SLIT3: variants seen among roughly 807,000 people sequenced by gnomAD.
The protein encoded by SLIT3 is slit homolog 3 protein.
SLIT3 carries 68 observed loss-of-function variants against 184.0 expected under a neutral mutation model. The ratio of observed to expected loss-of-function variants is 0.37; its 90% CI spans 0.30 to 0.45. The LOEUF (loss-of-function observed/expected upper bound fraction) is 0.45, where lower values mean the gene tolerates loss of function less well. Among genes scored for constraint, SLIT3 ranks in the 20% least tolerant of loss-of-function variants. The pLI is 1.00. For missense variants in SLIT3, 1,707 were observed against 2,026.0 expected (o/e 0.84, Z 3.02); for synonymous variants, 831 against 828.6 (o/e 1.00, Z -0.05).
chr5:169,169,555 G>A (rs1762753333), intron 4 of SLIT3, among the ~76,000 whole-genome samples: 2 of 152,324 alleles, frequency 1.3e-5, no homozygotes, highest in East Asian at 3.9e-4. Flanking sequence ...GTCAAACTGG[G>A]GAGAATGGTA....
intron 4 of SLIT3, among the ~76,000 whole-genome samples, chr5:169,091,572 T>TA (rs1325766429): frequency 3.3e-5 from 5 of 152,216 alleles, no homozygotes; most frequent in Non-Finnish European, 7.3e-5. Context: ...AACGAAAGGA[T>TA]AAGCTACCTT....
At chr5:169,154,038 T>C (rs1762214631) in intron 4 of SLIT3, among the ~76,000 whole-genome samples, 1 of 150,290 alleles carries the variant, frequency 6.7e-6, no homozygotes, top group South Asian at 2.1e-4. Context: ...AGTGGTGTCA[T>C]CTCAGCTCAC....
intron 4 of SLIT3, among the ~76,000 whole-genome samples, chr5:169,191,274 C>T (rs1763541624): frequency 6.6e-6 from 1 of 152,192 alleles, no homozygotes; most frequent in South Asian, 2.1e-4. Flanking sequence ...TGATGGAGTG[C>T]CTATGTGTGC....
intron 4 of SLIT3, among the ~76,000 whole-genome samples, chr5:169,150,327 C>T (rs1762073335): frequency 6.6e-6 from 1 of 152,058 alleles, no homozygotes; most frequent in African/African-American, 2.4e-5. Context: ...TGGTCTAGGC[C>T]AGGACCACAA....
intron 4 of SLIT3, among the ~76,000 whole-genome samples, chr5:168,956,610 G>A (rs1003684846): frequency 1.1e-4 from 16 of 151,750 alleles, no homozygotes; most frequent in Non-Finnish European, 1.8e-4. Flanking sequence ...CCTGGCCAAC[G>A]TGGTGAAACC....
intron 1 of SLIT3, among the ~76,000 whole-genome samples, chr5:169,271,823 C>T (rs1014740922): frequency 1.3e-5 from 2 of 152,210 alleles, no homozygotes; most frequent in Non-Finnish European, 2.9e-5. Context: ...ATACAGGCCT[C>T]TTTATCTACA....
chr5:169,075,654 GA>G (rs1489830777), intron 4 of SLIT3, among the ~76,000 whole-genome samples: 4 of 152,220 alleles, frequency 2.6e-5, no homozygotes, highest in Non-Finnish European at 5.9e-5. Flanking sequence ...AAGCAAAAGA[GA>G]GACTTGGCTT....
intron 1 of SLIT3, among the ~76,000 whole-genome samples, chr5:169,256,712 C>T (rs1765972631): frequency 6.6e-6 from 1 of 152,172 alleles, no homozygotes; most frequent in Non-Finnish European, 1.5e-5. Context: ...CTTTTGGTGG[C>T]AAGGCCTTTC....
intron 1 of SLIT3, among the ~76,000 whole-genome samples, chr5:169,251,987 A>T (rs988776974): frequency 3.9e-5 from 6 of 152,138 alleles, no homozygotes; most frequent in Non-Finnish European, 7.4e-5. Flanking sequence ...GAATGTCCAG[A>T]CTCACTCATG....
chr5:169,193,499 G>A lies in SLIT3; in HGVS notation c.393C>T (p.Ser131=). The change falls in exon 4 of 36, where the codon AGC becomes AGT. Residue 131 remains serine (S), a synonymous_variant. Transcript: ENST00000519560. The stretch of plus-strand genomic sequence containing the variant: ...CTCACAGTCTGGTGAGCTTCGGCGT[G>A]CTCTGGAAAAGCAATTCTGGAAGGA... ...LQVLPELLFQ[S]TPKLTRLDLS... is the part of the protein sequence containing the mutation. 6.2e-7 allele frequency: 1 copy of A among 1,614,084 alleles called. No homozygotes were observed. Among genetic ancestry groups the A allele is most frequent in the South Asian group, 1.1e-5 (1 of 91,072 alleles).
intron 29 of SLIT3, among the ~76,000 whole-genome samples, chr5:168,691,366 G>A (rs1248872027): frequency 6.6e-6 from 1 of 152,180 alleles, no homozygotes; most frequent in African/African-American, 2.4e-5. Flanking sequence ...AGATCTTGGG[G>A]TTCCCTGAAG....
intron 4 of SLIT3, among the ~76,000 whole-genome samples, chr5:168,905,583 A>C (rs2113049619): frequency 6.6e-6 from 1 of 152,334 alleles, no homozygotes; most frequent in Admixed American, 6.5e-5. Flanking sequence ...CAGTGTGCTC[A>C]TCTCAACTTC....
chr5:169,198,979 T>C lies in SLIT3; in HGVS notation c.342-5429A>G, dbSNP rs528144299. On this transcript the variant is annotated intron_variant, in intron 3 of 35. Transcript: ENST00000519560. ...ACACACACACACACACACACACATA[T>C]GTGTGTATATTTATATATATATATA... Among the ~76,000 whole-genome samples, 160 of 114,076 alleles carry C rather than the reference T, an allele frequency of 1.4e-3. No homozygotes were observed. The East Asian group carries it at 0.018, about 13-fold the overall frequency. 74.8% of individuals were successfully genotyped at this position (114,076 alleles called of 152,430 possible). A position where few individuals can be genotyped will look rare whatever the true frequency, so the allele number is the denominator to read the frequency against.
chr5:169,134,466 C>T (rs1315225287), intron 4 of SLIT3, among the ~76,000 whole-genome samples: 1 of 152,176 alleles, frequency 6.6e-6, no homozygotes, highest in African/African-American at 2.4e-5. Flanking sequence ...TCCCTTTCTC[C>T]CACTCCCCCA....
chr5:168,881,142 C>T (rs1471037422), intron 5 of SLIT3, among the ~76,000 whole-genome samples: 1 of 152,162 alleles, frequency 6.6e-6, no homozygotes, highest in Non-Finnish European at 1.5e-5. Context: ...TGAGTATAAA[C>T]AAAGAGAAGA....
rs538871209 is a variant in SLIT3, at chr5:168,823,578, G to A, written c.558-247C>T. On this transcript the variant is annotated intron_variant, in intron 6 of 35. Transcript: ENST00000519560. The stretch of plus-strand genomic sequence containing the variant: ...CTCTCAGGACTTGCCTACCCACCTT[G>A]AGTAAGAGTATCGCTTCCTGAAACC... 2.9e-4 allele frequency among the ~76,000 whole-genome samples: 44 copies of A among 152,234 alleles called. 1 individual carries two copies. Among genetic ancestry groups the A allele is most frequent in the South Asian group, 2.5e-3 (12 of 4,820 alleles).
At chr5:169,093,496 T>C (rs1232836319) in intron 4 of SLIT3, among the ~76,000 whole-genome samples, 1 of 152,130 alleles carries the variant, frequency 6.6e-6, no homozygotes, top group Non-Finnish European at 1.5e-5. Flanking sequence ...AGACAGAAGC[T>C]GATTGGCCCA....
At chr5:168,928,357 G>A (rs994167550) in intron 4 of SLIT3, among the ~76,000 whole-genome samples, 4 of 152,146 alleles carry the variant, frequency 2.6e-5, no homozygotes, top group Admixed American at 1.3e-4. Context: ...ATTTTAGAAC[G>A]TTCTTCTGTA....
chr5:169,062,002 G>C (rs548178557), intron 4 of SLIT3, among the ~76,000 whole-genome samples: 3 of 152,140 alleles, frequency 2.0e-5, no homozygotes, highest in Non-Finnish European at 4.4e-5. Flanking sequence ...GGCTAACATG[G>C]TGAAACCCCG....
Sources: gnomAD v4.1 joint callset for allele counts (sites outside exome capture counted in the v4.1 genomes callset) on GRCh38, gnomAD v4.1.1 for gene constraint, MANE v1.5 for transcripts, NCBI Gene and HGNC (gene_info 2026-07-23, HGNC 2026-07-21) for gene names.